The following LHFPL3 variants were observed in gnomAD, a reference collection of about 807,000 sequenced individuals.
LHFPL3 encodes LHFPL tetraspan subfamily member 3, also known as LHFPL tetraspan subfamily member 3 protein.
Under a neutral mutation model 19.3 loss-of-function variants are expected in LHFPL3, and 5 were observed. The ratio of observed to expected loss-of-function variants is 0.26; its 90% CI spans 0.14 to 0.54. The LOEUF (loss-of-function observed/expected upper bound fraction) is 0.54. LHFPL3 is among the 20% of genes least tolerant of loss of function. LHFPL3 has a pLI of 0.94. For synonymous variants in LHFPL3, 133 were observed against 126.2 expected (o/e 1.05, Z -0.36); for missense variants, 249 against 307.4 (o/e 0.81, Z 1.42).
intron 1 of LHFPL3, among the ~76,000 whole-genome samples, chr7:104,592,426 C>CTGCAGAACAGCAACTAT (rs1554411589): frequency 1.4e-5 from 2 of 140,868 alleles, no homozygotes; most frequent in Non-Finnish European, 3.1e-5. Context: ...CCAGCGGAGG[C>CTGCAGAACAGCAACTAT]TGCAGAACAG....
At chr7:104,504,969 G>A (rs746506011) in intron 1 of LHFPL3, among the ~76,000 whole-genome samples, 14 of 151,958 alleles carry the variant, frequency 9.2e-5, no homozygotes, top group Non-Finnish European at 1.8e-4. Context: ...AACTCACACT[G>A]CTTGTGTATA....
chr7:104,853,656 CACA>C (rs1562815131), intron 2 of LHFPL3, among the ~76,000 whole-genome samples: 1 of 152,024 alleles, frequency 6.6e-6, no homozygotes, highest in Admixed American at 6.5e-5. Flanking sequence ...TTCAAAATCC[CACA>C]ACAAGATGAG....
intron 1 of LHFPL3, among the ~76,000 whole-genome samples, chr7:104,394,448 T>C (rs1340869758): frequency 6.6e-6 from 1 of 152,188 alleles, no homozygotes; most frequent in Non-Finnish European, 1.5e-5. Flanking sequence ...AAAATTTTTT[T>C]CATACTCATA....
At chr7:104,824,574 TTATATATAA>T (rs1374313683) in intron 2 of LHFPL3, among the ~76,000 whole-genome samples, 2 of 65,808 alleles carry the variant, frequency 3.0e-5, no homozygotes, top group Non-Finnish European at 5.5e-5. Context: ...ATATATTATT[TTATATATAA>T]TATATATAAT....
chr7:104,494,005 A>T (rs766037), intron 1 of LHFPL3, among the ~76,000 whole-genome samples: 20,333 of 152,174 alleles, frequency 0.13, 2,512 homozygotes, highest in African/African-American at 0.33. Flanking sequence ...TTACATGCTG[A>T]CATGATAATA....
chr7:104,494,949 C>G (rs1268391222), intron 1 of LHFPL3, among the ~76,000 whole-genome samples: 2 of 152,170 alleles, frequency 1.3e-5, no homozygotes, highest in African/African-American at 4.8e-5. Context: ...ATCCGACCAT[C>G]CATCCCTTGA....
chr7:104,739,785 A>AGGCAAT (rs1793898276), intron 2 of LHFPL3, among the ~76,000 whole-genome samples: 1 of 152,220 alleles, frequency 6.6e-6, no homozygotes, highest in Non-Finnish European at 1.5e-5. Flanking sequence ...TCATGGAAGA[A>AGGCAAT]GGCAATGTCA....
At chr7:104,329,332 C>T in intron 1 of LHFPL3, 108 bp downstream of exon 1, 1 of 1,390,858 alleles carries the variant, frequency 7.2e-7, no homozygotes, top group South Asian at 1.4e-5. Context: ...CGAGCCAAGC[C>T]GCCTAATCCG....
chr7:104,663,430 G>A (rs560656856), intron 1 of LHFPL3, among the ~76,000 whole-genome samples: 5 of 152,318 alleles, frequency 3.3e-5, no homozygotes, highest in East Asian at 3.9e-4. Flanking sequence ...ATCATGCAGC[G>A]ATTCTGGCTG....
chr7:104,701,588 C>A (rs927023385), intron 1 of LHFPL3, among the ~76,000 whole-genome samples: 5 of 151,984 alleles, frequency 3.3e-5, no homozygotes, highest in African/African-American at 1.2e-4. Flanking sequence ...CTGAAGAGGA[C>A]AAGGAAAAGG....
intron 1 of LHFPL3, among the ~76,000 whole-genome samples, chr7:104,335,143 C>T (rs1789769527): frequency 6.6e-6 from 1 of 151,614 alleles, no homozygotes. Context: ...GGTGTAGACT[C>T]AGTGTTCAGG....
At chr7:104,879,888 A>G (rs778102817) in intron 2 of LHFPL3, among the ~76,000 whole-genome samples, 2 of 152,192 alleles carry the variant, frequency 1.3e-5, no homozygotes, top group Non-Finnish European at 1.5e-5. Context: ...ACAGAAGTCA[A>G]TGCCTGGCTT....
chr7:104,659,922 G>A (rs543830687), intron 1 of LHFPL3, among the ~76,000 whole-genome samples: 1 of 152,030 alleles, frequency 6.6e-6, no homozygotes, highest in Non-Finnish European at 1.5e-5. Flanking sequence ...CTGGAGAAAG[G>A]CCTCATGTCA....
At chr7:104,772,850 A>C (rs2116402519) in intron 2 of LHFPL3, among the ~76,000 whole-genome samples, 1 of 152,328 alleles carries the variant, frequency 6.6e-6, no homozygotes, top group Non-Finnish European at 1.5e-5. Flanking sequence ...ATAAATTTTT[A>C]ATTCAAGTTC....
At chr7:104,833,380 TATATAATAGG>T (rs1393443328) in intron 2 of LHFPL3, among the ~76,000 whole-genome samples, 2 of 4,850 alleles carry the variant, frequency 4.1e-4, no homozygotes, top group African/African-American at 6.6e-4. Flanking sequence ...ATATATTATA[TATATAATAGG>T]ATATATATAT....
chr7:104,360,598 T>C (rs1346433414), intron 1 of LHFPL3, among the ~76,000 whole-genome samples: 1 of 151,822 alleles, frequency 6.6e-6, no homozygotes, highest in Non-Finnish European at 1.5e-5. Flanking sequence ...ACATGGAGCT[T>C]GATGATAAAA....
intron 1 of LHFPL3, among the ~76,000 whole-genome samples, chr7:104,331,923 C>G (rs557800284): frequency 6.6e-6 from 1 of 151,248 alleles, no homozygotes; most frequent in South Asian, 2.1e-4. Context: ...GCACTCTAGT[C>G]TGGGAAACAG....
At chr7:104,631,704 C>G (rs953170617) in intron 1 of LHFPL3, among the ~76,000 whole-genome samples, 1 of 152,140 alleles carries the variant, frequency 6.6e-6, no homozygotes, top group African/African-American at 2.4e-5. Flanking sequence ...CTTCTAGGCA[C>G]TTTCTTTTAA....
chr7:104,408,975 C>G (rs1015876279), intron 1 of LHFPL3, among the ~76,000 whole-genome samples: 12 of 149,688 alleles, frequency 8.0e-5, no homozygotes, highest in Non-Finnish European at 1.0e-4. Context: ...TGCCATTCTC[C>G]TGCCTCAGCC....
Sources: allele counts gnomAD v4.1 joint callset (sites outside exome capture counted in the v4.1 genomes callset), GRCh38; gene constraint gnomAD v4.1.1; transcripts MANE v1.5; gene names NCBI Gene and HGNC (gene_info 2026-07-23, HGNC 2026-07-21).